NDST3: variants seen among roughly 807,000 people sequenced by gnomAD.
The protein encoded by NDST3 is bifunctional heparan sulfate N-deacetylase/N-sulfotransferase 3.
A neutral mutation model predicts 96.1 loss-of-function variants in NDST3; 58 were observed. The observed-to-expected ratio is 0.60, with a 90% CI of 0.49 to 0.75. The LOEUF (loss-of-function observed/expected upper bound fraction) is 0.75, where lower values mean the gene tolerates loss of function less well. Ranked by LOEUF, NDST3 falls within the 30% of genes least tolerant of loss-of-function variation. The pLI, the probability that NDST3 is intolerant of heterozygous loss-of-function variation, is 0.00. For missense variants in NDST3, 788 were observed against 1,034.2 expected (o/e 0.76, Z 3.27); for synonymous variants, 333 against 359.7 (o/e 0.93, Z 0.84).
chr4:118,115,572 T>G (rs1355287560), intron 4 of NDST3, among the ~76,000 whole-genome samples: 1 of 152,214 alleles, frequency 6.6e-6, no homozygotes, highest in Non-Finnish European at 1.5e-5. Flanking sequence ...ATATGCTGTA[T>G]GGATGGAACA....
intron 6 of NDST3, among the ~76,000 whole-genome samples, chr4:118,221,415 CTT>C (rs1466558169): frequency 6.6e-6 from 1 of 151,974 alleles, no homozygotes; most frequent in Admixed American, 6.6e-5. Context: ...AAATAACATA[CTT>C]TTTTTCACAT....
intron 6 of NDST3, among the ~76,000 whole-genome samples, chr4:118,178,375 T>C (rs1402640209): frequency 1.3e-5 from 2 of 152,038 alleles, no homozygotes; most frequent in African/African-American, 4.8e-5. Flanking sequence ...CTATTCTGTT[T>C]TATGTCTCTA....
chr4:118,103,642 C>A (rs1391236675), intron 2 of NDST3, among the ~76,000 whole-genome samples: 2 of 152,128 alleles, frequency 1.3e-5, no homozygotes, highest in African/African-American at 4.8e-5. Context: ...TTCCTCCTCC[C>A]CCATCCAAAC....
intron 6 of NDST3, among the ~76,000 whole-genome samples, chr4:118,205,569 T>C (rs1336833459): frequency 1.4e-5 from 2 of 144,444 alleles, no homozygotes; most frequent in African/African-American, 2.6e-5. Flanking sequence ...TTTTCATAGG[T>C]GTTTATTTCT....
At chr4:118,200,204 A>G (rs1054321695) in intron 6 of NDST3, among the ~76,000 whole-genome samples, 1 of 152,168 alleles carries the variant, frequency 6.6e-6, no homozygotes, top group African/African-American at 2.4e-5. Flanking sequence ...TAGAGTCAAA[A>G]ATCTTAGAAG....
intron 6 of NDST3, among the ~76,000 whole-genome samples, chr4:118,178,387 A>G (rs188729397): frequency 5.5e-4 from 84 of 152,124 alleles, no homozygotes; most frequent in Non-Finnish European, 6.2e-4. Flanking sequence ...ATGTCTCTAT[A>G]AACTTGACTA....
chr4:118,108,579 T>C (rs1358375624), intron 3 of NDST3, among the ~76,000 whole-genome samples: 16 of 152,152 alleles, frequency 1.1e-4, no homozygotes, highest in Admixed American at 1.0e-3. Flanking sequence ...CATATGCACA[T>C]AAACAACATA....
chr4:118,052,971 C>T (rs1342357489), intron 1 of NDST3, among the ~76,000 whole-genome samples: 1 of 151,880 alleles, frequency 6.6e-6, no homozygotes, highest in Non-Finnish European at 1.5e-5. Flanking sequence ...TAGTTTTTCA[C>T]ATAATTACTA....
At chr4:118,151,588 A>G (rs141128710) in intron 6 of NDST3, among the ~76,000 whole-genome samples, 1 of 152,128 alleles carries the variant, frequency 6.6e-6, no homozygotes, top group African/African-American at 2.4e-5. Context: ...TGTTAGGATC[A>G]GGCAAATAGA....
chr4:118,229,001 G>C (rs1740091405), intron 8 of NDST3, among the ~76,000 whole-genome samples: 1 of 152,042 alleles, frequency 6.6e-6, no homozygotes, highest in Admixed American at 6.6e-5. Context: ...CTGTACTTTT[G>C]TCAAAAGTAT....
chr4:118,143,025 T>G (rs1199582680), intron 5 of NDST3, among the ~76,000 whole-genome samples: 1 of 152,154 alleles, frequency 6.6e-6, no homozygotes, highest in Non-Finnish European at 1.5e-5. Context: ...CAGTAGTCCT[T>G]TCAGACGAGA....
chr4:118,087,662 G>A (rs979807130), intron 2 of NDST3, among the ~76,000 whole-genome samples: 4 of 152,090 alleles, frequency 2.6e-5, no homozygotes, highest in Admixed American at 6.6e-5. Flanking sequence ...ATTGGGCAGG[G>A]GGAGAGAGGA....
chr4:118,242,729 A>T (rs921504108), intron 12 of NDST3, among the ~76,000 whole-genome samples: 2 of 151,762 alleles, frequency 1.3e-5, no homozygotes, highest in African/African-American at 4.8e-5. Context: ...CACTGGTTTG[A>T]TTTTTCTGTT....
intron 6 of NDST3, among the ~76,000 whole-genome samples, chr4:118,187,589 A>T (rs1737047913): frequency 6.6e-6 from 1 of 152,190 alleles, no homozygotes; most frequent in Non-Finnish European, 1.5e-5. Flanking sequence ...TGGCTGCGAA[A>T]TCTTCCACAA....
intron 2 of NDST3, among the ~76,000 whole-genome samples, chr4:118,081,681 G>GA (rs917931903): frequency 3.3e-5 from 5 of 151,972 alleles, no homozygotes; most frequent in African/African-American, 9.7e-5. Flanking sequence ...CATTTAAAGG[G>GA]AAAAAATGCC....
At chr4:118,161,816 T>A (rs1194286764) in intron 6 of NDST3, among the ~76,000 whole-genome samples, 2 of 152,188 alleles carry the variant, frequency 1.3e-5, no homozygotes, top group Non-Finnish European at 2.9e-5. Flanking sequence ...CCTGATCCCT[T>A]GAGCTTCCCG....
At chr4:118,249,954 T>C (rs1741576205) in intron 12 of NDST3, among the ~76,000 whole-genome samples, 1 of 152,226 alleles carries the variant, frequency 6.6e-6, no homozygotes, top group Non-Finnish European at 1.5e-5. Context: ...CTACTCACCT[T>C]GACCCCTAGG....
In NDST3 at chr4:118,231,341, A is replaced by AT. The variant is rs1442849974; in HGVS notation, c.1820-1671_1820-1670insT. Among the ~76,000 whole-genome samples the AT allele has an allele frequency of 5.2e-3, 714 of 137,722 alleles. 4 individuals carry two copies. Among genetic ancestry groups the AT allele is most frequent in the Middle Eastern group, 0.019 (5 of 260 alleles). The allele number at this position is 137,722 out of a possible 152,430, so 90.4% of individuals were successfully genotyped here. ...ACAGAGCAAGACTCCATCTAAAAAA[A>AT]AATAAATAAATAATAATAATAATAC... is the stretch of plus-strand genomic sequence containing the variant. On this transcript the variant is annotated intron_variant, in intron 8 of 13. Coordinates refer to ENST00000296499, the MANE Select transcript of NDST3 (RefSeq NM_004784.3).
intron 8 of NDST3, among the ~76,000 whole-genome samples, chr4:118,232,202 G>T (rs1264302445): frequency 1.3e-5 from 2 of 152,038 alleles, no homozygotes; most frequent in Admixed American, 6.6e-5. Context: ...ATTGATTTTG[G>T]TAATGTAATA....
Sources: allele counts gnomAD v4.1 joint callset (sites outside exome capture counted in the v4.1 genomes callset), GRCh38; gene constraint gnomAD v4.1.1; transcripts MANE v1.5; gene names NCBI Gene and HGNC (gene_info 2026-07-23, HGNC 2026-07-21).